The following CCSER1 variants were observed in gnomAD, a reference collection of about 807,000 sequenced individuals.
CCSER1 encodes the protein coiled-coil serine rich protein 1.
In CCSER1, 41 loss-of-function variants were observed where a neutral mutation model predicts 82.0. The ratio of observed to expected loss-of-function variants is 0.50; its 90% CI spans 0.39 to 0.65. The LOEUF is 0.65. Ranked by LOEUF, CCSER1 falls within the 30% of genes least tolerant of loss-of-function variation. CCSER1 has a pLI of 0.00. For synonymous variants in CCSER1, 414 were observed against 383.9 expected (o/e 1.08, Z -0.92); for missense variants, 1,119 against 1,064.2 (o/e 1.05, Z -0.72).
intron 3 of CCSER1, among the ~76,000 whole-genome samples, chr4:90,366,169 A>T (rs898731075): frequency 6.6e-6 from 1 of 151,910 alleles, no homozygotes; most frequent in African/African-American, 2.4e-5. Context: ...CATTATATTC[A>T]TGTTATTCTT....
At chr4:91,141,497 A>G (rs1056684268) in intron 10 of CCSER1, among the ~76,000 whole-genome samples, 2 of 152,098 alleles carry the variant, frequency 1.3e-5, no homozygotes, top group Admixed American at 6.6e-5. Context: ...CATGGTGTAT[A>G]TGTACCACAT....
Position 90,308,773 on chromosome 4 carries a change from T to C in CCSER1, c.489T>C (p.Gly163=), listed in dbSNP as rs1235824368. ...SSGKSEGDDS[G]FTEDQTRRSV... ...GCAAAAGTGAAGGGGATGATTCTGG[T>C]TTCACAGAAGACCAAACTCGTCGTT... is the stretch of plus-strand genomic sequence containing the variant. Residue 163 remains glycine (G), a synonymous_variant, in exon 2 of 11, where the codon GGT becomes GGC. Coordinates refer to ENST00000509176, the MANE Select transcript of CCSER1 (RefSeq NM_001145065.2). 3 of 1,613,674 alleles carry C rather than the reference T, an allele frequency of 1.9e-6. No individual in the cohort carries two copies. The highest frequency in any genetic ancestry group is 1.3e-5 in the African/African-American group (1 of 74,930).
intron 3 of CCSER1, among the ~76,000 whole-genome samples, chr4:90,364,567 T>C (rs969689090): frequency 2.6e-5 from 4 of 152,096 alleles, no homozygotes; most frequent in African/African-American, 7.2e-5. Context: ...TTGTATAGAG[T>C]TTATATAATA....
intron 5 of CCSER1, 27 bp downstream of exon 5, chr4:90,468,381 G>T (rs200354959): frequency 1.2e-4 from 190 of 1,585,104 alleles, no homozygotes; most frequent in Non-Finnish European, 1.5e-4. Context: ...ATTTTTCAAG[G>T]CCTTGTAAAA....
intron 10 of CCSER1, among the ~76,000 whole-genome samples, chr4:91,256,772 A>G (rs1740722493): frequency 6.6e-6 from 1 of 152,212 alleles, no homozygotes; most frequent in Non-Finnish European, 1.5e-5. Flanking sequence ...TAATTAGTGA[A>G]ATAATCAGTT....
chr4:91,260,915 C>T (rs1254815187), intron 10 of CCSER1, among the ~76,000 whole-genome samples: 2 of 152,068 alleles, frequency 1.3e-5, no homozygotes, highest in Admixed American at 6.6e-5. Context: ...CGCCCGCTAC[C>T]ACGCCAGGCT....
At chr4:91,511,046 T>C (rs567017730) in intron 10 of CCSER1, among the ~76,000 whole-genome samples, 5 of 152,282 alleles carry the variant, frequency 3.3e-5, no homozygotes, top group African/African-American at 1.2e-4. Context: ...CTTCTGCATA[T>C]GGTTGGTCAG....
intron 8 of CCSER1, among the ~76,000 whole-genome samples, chr4:90,879,767 T>C (rs1721018926): frequency 6.6e-6 from 1 of 152,156 alleles, no homozygotes; most frequent in Admixed American, 6.5e-5. Flanking sequence ...CATATACCAC[T>C]CTAGACATTT....
chr4:91,603,724 A>T lies in CCSER1; in HGVS notation c.*4667A>T, dbSNP rs761922027. The stretch of plus-strand genomic sequence containing the variant: ...ACCTCTTTAGTAAATTCGGGTTGCT[A>T]TAACAAAATACCATGGACTGGGTGA... On this transcript the variant is annotated 3_prime_UTR_variant, in exon 11 of 11. Coordinates refer to ENST00000509176, the MANE Select transcript of CCSER1 (RefSeq NM_001145065.2). 1 of 152,094 alleles carries T rather than the reference A, an allele frequency of 6.6e-6. No homozygotes were observed. Among genetic ancestry groups the T allele is most frequent in the East Asian group, 1.9e-4 (1 of 5,182 alleles). 9.4% of individuals were successfully genotyped at this position (152,094 alleles called of 1,614,324 possible).
At chr4:90,682,275 A>G (rs1317374012) in intron 6 of CCSER1, among the ~76,000 whole-genome samples, 1 of 150,344 alleles carries the variant, frequency 6.7e-6, no homozygotes, top group Non-Finnish European at 1.5e-5. Context: ...AAAAAAAAAG[A>G]AAAAAAAAGA....
intron 5 of CCSER1, among the ~76,000 whole-genome samples, chr4:90,568,068 A>G (rs1202840584): frequency 1.3e-5 from 2 of 152,220 alleles, no homozygotes; most frequent in Non-Finnish European, 2.9e-5. Context: ...ATACAATTTC[A>G]ATCTTATTAA....
At chr4:91,208,912 T>C (rs577915937) in intron 10 of CCSER1, among the ~76,000 whole-genome samples, 5 of 152,102 alleles carry the variant, frequency 3.3e-5, no homozygotes, top group South Asian at 4.1e-4. Context: ...GTAATTGTTA[T>C]TGTAGATATT....
intron 1 of CCSER1, among the ~76,000 whole-genome samples, chr4:90,197,770 T>C (rs1040428194): frequency 6.6e-6 from 1 of 151,458 alleles, no homozygotes; most frequent in African/African-American, 2.4e-5. Context: ...GAAGGATGGG[T>C]ACCAGAGGCT....
chr4:91,276,380 T>G (rs1000715613), intron 10 of CCSER1, among the ~76,000 whole-genome samples: 2 of 151,764 alleles, frequency 1.3e-5, no homozygotes, highest in South Asian at 2.1e-4. Context: ...TTGAATACAT[T>G]TATTTCTAGG....
intron 10 of CCSER1, among the ~76,000 whole-genome samples, chr4:91,128,368 G>A (rs941816322): frequency 6.6e-6 from 1 of 151,680 alleles, no homozygotes; most frequent in African/African-American, 2.4e-5. Context: ...AATTTGCACA[G>A]TTTTCAAAGA....
At position 90,499,066 on chromosome 4, in the gene CCSER1, T is replaced by C. The variant is rs182715271; in HGVS notation, c.1724+30712T>C. ...TTTATCAATAAATAAGCCCTATGTT[T>C]CTAAAAATAGTTATGAAATATATAT... On this transcript the variant is annotated intron_variant, in intron 5 of 10. Coordinates refer to ENST00000509176, the MANE Select transcript of CCSER1 (RefSeq NM_001145065.2). Among the ~76,000 whole-genome samples, 41 of 152,150 alleles carry C rather than the reference T, an allele frequency of 2.7e-4. No individual in the cohort carries two copies. In the East Asian group the frequency reaches 7.3e-3, roughly 27 times the overall value.
rs183373753 is a variant in CCSER1, at chr4:91,352,015, G to C, written c.2218-246557G>C. On this transcript the variant is annotated intron_variant, in intron 10 of 10. Transcript: ENST00000509176. The stretch of plus-strand genomic sequence containing the variant: ...CAATGGTCAAAAATCAACCAAAGGG[G>C]CATTTGATAACATTTATATTGTAAA... Among the ~76,000 whole-genome samples the C allele has an allele frequency of 3.9e-5, 6 of 152,132 alleles. No homozygotes were observed. In the East Asian group the frequency reaches 1.2e-3, roughly 29 times the overall value.
At chr4:90,153,558 A>C (rs559140731) in intron 1 of CCSER1, among the ~76,000 whole-genome samples, 4,418 of 151,886 alleles carry the variant, frequency 0.029, 107 homozygotes, top group South Asian at 0.059. Flanking sequence ...TTGTTTCCTG[A>C]CTTTTTAATG....
In CCSER1 at chr4:91,599,463, A is replaced by G; in HGVS notation, c.*406A>G. On this transcript the variant is annotated 3_prime_UTR_variant, in exon 11 of 11. Coordinates refer to ENST00000509176, the MANE Select transcript of CCSER1 (RefSeq NM_001145065.2). ...AAAGTAGACCTGATGAAAAATAGATAAAGGAATTATAAAGAATTTTAAATT... is the reference window on the plus strand; with the variant it reads ...AAAGTAGACCTGATGAAAAATAGATGAAGGAATTATAAAGAATTTTAAATT... The G allele has an allele frequency of 2.6e-5, 4 of 153,188 alleles. No individual in the cohort carries two copies. The Middle Eastern group carries it at 0.014, about 521-fold the overall frequency. The allele number at this position is 153,188 out of a possible 1,614,324, so 9.5% of individuals were successfully genotyped here.
Sources: allele counts gnomAD v4.1 joint callset (sites outside exome capture counted in the v4.1 genomes callset), GRCh38; gene constraint gnomAD v4.1.1; transcripts MANE v1.5; gene names NCBI Gene and HGNC (gene_info 2026-07-23, HGNC 2026-07-21).